CBFA2T2: variants seen among roughly 807,000 people sequenced by gnomAD.
CBFA2T2 encodes protein CBFA2T2.
In CBFA2T2, 11 loss-of-function variants were observed where a neutral mutation model predicts 62.2. The observed-to-expected ratio is 0.18, with a 90% confidence interval of 0.11 to 0.29. The LOEUF is 0.29. Among genes scored for constraint, CBFA2T2 ranks in the 10% least tolerant of loss-of-function variants. CBFA2T2 has a pLI of 1.00. For missense variants in CBFA2T2, 592 were observed against 774.1 expected, an observed-to-expected ratio of 0.76 and a Z score of 2.79; for synonymous variants, 295 against 287.5, an observed-to-expected ratio of 1.03 and a Z score of -0.27.
At chr20:33,628,218 C>T in intron 6 of CBFA2T2, 132 bp from the exon 7 acceptor site, 1 of 655,432 alleles carries the variant, frequency 1.5e-6, no homozygotes, top group African/African-American at 1.8e-5. Context: ...TGTGGGTCCC[C>T]CACCCCATTG....
chr20:33,537,473 C>G (rs940020779), intron 1 of CBFA2T2, among the ~76,000 whole-genome samples: 1 of 152,046 alleles, frequency 6.6e-6, no homozygotes, highest in South Asian at 2.1e-4. Context: ...AGAGGGAGAC[C>G]GTGGAAAGAG....
Position 33,574,099 on chromosome 20 carries a change from A to G in CBFA2T2, c.35-32857A>G, listed in dbSNP as rs1956955040. The G allele has an allele frequency of 2.7e-5, 41 of 1,544,904 alleles. 1 individual carries two copies. In the South Asian group the frequency reaches 4.5e-4, roughly 17 times the overall value. The stretch of plus-strand genomic sequence containing the variant: ...CCACCATACCAGTTCCTGTCTAGAT[A>G]TTATGATGAAGATTGAGGATGGTAG... On this transcript the variant is annotated intron_variant, in intron 1 of 10. Coordinates refer to ENST00000342704, the MANE Select transcript of CBFA2T2 (RefSeq NM_001032999.3).
chr20:33,549,475 T>C lies in CBFA2T2; in HGVS notation c.35-57481T>C, dbSNP rs1000495992. On this transcript the variant is annotated intron_variant, in intron 1 of 10. Transcript: ENST00000342704. ...TGGTACAGCATGAAGCTCAGAAATA[T>C]TTTGCTAAATTAAAGAAGCCACAAA... 5.9e-5 allele frequency among the ~76,000 whole-genome samples: 9 copies of C among 152,134 alleles called. No individual in the cohort carries two copies. In the East Asian group the frequency reaches 1.3e-3, roughly 23 times the overall value.
intron 10 of CBFA2T2, among the ~76,000 whole-genome samples, chr20:33,642,704 T>C (rs1281766956): frequency 1.3e-5 from 2 of 152,216 alleles, no homozygotes; most frequent in African/African-American, 4.8e-5. Flanking sequence ...TTCTCTTCTC[T>C]ATGTTTAACT....
chr20:33,649,646 G>C lies in CBFA2T2; in HGVS notation c.*5000G>C, dbSNP rs1342535443. On this transcript the variant is annotated 3_prime_UTR_variant, in exon 11 of 11. Coordinates refer to ENST00000342704, the MANE Select transcript of CBFA2T2 (RefSeq NM_001032999.3). ...TTGGGGACAGCCCCATCCCTACCTT[G>C]GAGTCGGCAGAGAAGCAGCAATAAG... The C allele has an allele frequency of 1.3e-5, 2 of 152,288 alleles. No homozygotes were observed. Among genetic ancestry groups the C allele is most frequent in the African/African-American group, 4.8e-5 (2 of 41,460 alleles). The allele number at this position is 152,288 out of a possible 1,614,324, so 9.4% of individuals were successfully genotyped here.
At chr20:33,625,039 G>A (rs755516445) in intron 6 of CBFA2T2, 22 bp downstream of exon 6, 1 of 1,599,784 alleles carries the variant, frequency 6.3e-7, no homozygotes, top group Admixed American at 1.7e-5. Flanking sequence ...AAGCAGCATG[G>A]TAAATTCAGA....
intron 8 of CBFA2T2, among the ~76,000 whole-genome samples, chr20:33,634,670 CA>C (rs758089440): frequency 0.11 from 5,312 of 47,724 alleles, 31 homozygotes; most frequent in Non-Finnish European, 0.15. Context: ...ACCCTATGTC[CA>C]AAAAAAAAAA....
chr20:33,551,676 CGT>C (rs1292161907), intron 1 of CBFA2T2, among the ~76,000 whole-genome samples: 1 of 151,678 alleles, frequency 6.6e-6, no homozygotes, highest in East Asian at 1.9e-4. Flanking sequence ...GGATTACAGG[CGT>C]GTGTCACCAC....
intron 10 of CBFA2T2, among the ~76,000 whole-genome samples, chr20:33,642,116 T>TTTTTTGTG (rs1313728159): frequency 1.7e-4 from 10 of 59,006 alleles, no homozygotes; most frequent in African/African-American, 6.2e-4. Context: ...TTTTTTTTTT[T>TTTTTTGTG]TGTGTGTGTG....
intron 8 of CBFA2T2, among the ~76,000 whole-genome samples, chr20:33,634,695 A>G (rs1196812052): frequency 6.9e-6 from 1 of 145,732 alleles, no homozygotes; most frequent in Non-Finnish European, 1.5e-5. Flanking sequence ...AAAAAAAAAA[A>G]AGAATCTGAA....
chr20:33,634,183 G>A (rs925066807), intron 8 of CBFA2T2, among the ~76,000 whole-genome samples: 5 of 152,130 alleles, frequency 3.3e-5, no homozygotes, highest in East Asian at 3.9e-4. Flanking sequence ...TAGTCAGGTC[G>A]GTCTCGAACT....
chr20:33,492,001 G>A (rs1377138154), intron 1 of CBFA2T2, among the ~76,000 whole-genome samples: 3 of 151,864 alleles, frequency 2.0e-5, no homozygotes, highest in Non-Finnish European at 2.9e-5. Context: ...TCCTGCATCA[G>A]CCTCCAGAGT....
At chr20:33,607,469 T>C (rs2015382219) in intron 2 of CBFA2T2, among the ~76,000 whole-genome samples, 1 of 152,214 alleles carries the variant, frequency 6.6e-6, no homozygotes, top group Admixed American at 6.5e-5. Context: ...GGTAAGACTT[T>C]TTACAAAAGA....
intron 9 of CBFA2T2, among the ~76,000 whole-genome samples, chr20:33,636,915 G>A (rs1477691182): frequency 6.6e-6 from 1 of 152,130 alleles, no homozygotes; most frequent in African/African-American, 2.4e-5. Flanking sequence ...CAGGAGTTTG[G>A]AATAGCTCCC....
rs1328472258 is a variant in CBFA2T2 at position 33,490,266 on chromosome 20, C to A, written c.-2C>A. ...GGCGGCGCGCGGCGGCGGCGCTCGG[C>A]GATGGTAGGCGTCCCTGGAGCGGCC... On this transcript the variant is annotated 5_prime_UTR_variant, in exon 1 of 11. Coordinates refer to ENST00000342704, the MANE Select transcript of CBFA2T2 (RefSeq NM_001032999.3). 4.0e-6 allele frequency: 5 copies of A among 1,247,906 alleles called. No homozygotes were observed. Among genetic ancestry groups the A allele is most frequent in the Non-Finnish European group, 5.0e-6 (5 of 997,222 alleles). The allele number at this position is 1,247,906 out of a possible 1,614,324, so 77.3% of individuals were successfully genotyped here. A position where few individuals can be genotyped will look rare whatever the true frequency, so the allele number is the denominator to read the frequency against.
chr20:33,576,921 G>T (rs1172062015), intron 1 of CBFA2T2, among the ~76,000 whole-genome samples: 2 of 152,214 alleles, frequency 1.3e-5, no homozygotes, highest in Non-Finnish European at 2.9e-5. Context: ...TCTTATAGCT[G>T]CTACTTTTCT....
intron 1 of CBFA2T2, among the ~76,000 whole-genome samples, chr20:33,558,384 C>T (rs1373065586): frequency 6.6e-6 from 1 of 152,164 alleles, no homozygotes; most frequent in Non-Finnish European, 1.5e-5. Flanking sequence ...ACATCTTCCT[C>T]AATCTCCCAA....
At chr20:33,535,944 T>C (rs552657789) in intron 1 of CBFA2T2, among the ~76,000 whole-genome samples, 1 of 152,336 alleles carries the variant, frequency 6.6e-6, no homozygotes, top group African/African-American at 2.4e-5. Context: ...CATTTAAGCC[T>C]GAGTGGACAC....
intron 8 of CBFA2T2, among the ~76,000 whole-genome samples, chr20:33,633,331 A>G: frequency 6.6e-6 from 1 of 151,876 alleles, no homozygotes; most frequent in Non-Finnish European, 1.5e-5. Flanking sequence ...GAGATCACAC[A>G]CTGCACTCCA....
Sources: gnomAD v4.1 joint callset for allele counts (sites outside exome capture counted in the v4.1 genomes callset) on GRCh38, gnomAD v4.1.1 for gene constraint, MANE v1.5 for transcripts, NCBI Gene and HGNC (gene_info 2026-07-23, HGNC 2026-07-21) for gene names.